The following PPP4R4 variants were observed in gnomAD, a reference collection of about 807,000 sequenced individuals.
The protein encoded by PPP4R4 is protein phosphatase 4 regulatory subunit 4.
Under a neutral mutation model 121.8 loss-of-function variants are expected in PPP4R4, and 70 were observed. The observed-to-expected ratio is 0.57, with a 90% confidence interval of 0.47 to 0.70. The LOEUF (loss-of-function observed/expected upper bound fraction) is 0.70, where lower values mean the gene tolerates loss of function less well. PPP4R4 is among the 30% of genes least tolerant of loss of function. PPP4R4 has a pLI of 0.00. For missense variants in PPP4R4, 875 were observed against 1,033.6 expected, an observed-to-expected ratio of 0.85 and a Z score of 2.10; for synonymous variants, 348 against 355.7, an observed-to-expected ratio of 0.98 and a Z score of 0.24.
At position 94,245,590 on chromosome 14, in the gene PPP4R4, C is replaced by T; in HGVS notation, c.1348C>T (p.Leu450=). The T allele has an allele frequency of 1.9e-6, 3 of 1,556,258 alleles. No homozygotes were observed. Among genetic ancestry groups the T allele is most frequent in the Non-Finnish European group, 2.7e-6 (3 of 1,132,018 alleles). The change falls in exon 13 of 25, where the codon CTA becomes TTA. Residue 450 remains leucine, a synonymous_variant. Transcript: ENST00000304338. ...TAATCAATATCTCTGTTAAAAGGTA[C>T]TAGATGCTCTTATAGATCATCTTCC... ...TLLQDESLEV[L]DALIDHLPEI...
chr14:94,228,452 C>A (rs1422241272), intron 3 of PPP4R4, among the ~76,000 whole-genome samples: 1 of 152,148 alleles, frequency 6.6e-6, no homozygotes, highest in Non-Finnish European at 1.5e-5. Context: ...CTGACAGTGT[C>A]CCACTGTGCT....
chr14:94,238,059 G>A (rs1358174852), intron 8 of PPP4R4, among the ~76,000 whole-genome samples: 1 of 152,228 alleles, frequency 6.6e-6, no homozygotes, highest in Non-Finnish European at 1.5e-5. Flanking sequence ...CCTGCAAAAG[G>A]GAGAGGGAAC....
intron 2 of PPP4R4, among the ~76,000 whole-genome samples, chr14:94,195,698 T>G (rs1195299493): frequency 1.3e-5 from 2 of 151,880 alleles, no homozygotes; most frequent in Non-Finnish European, 2.9e-5. Context: ...CCCTAGACCA[T>G]GAGTAGAGGG....
intron 3 of PPP4R4, among the ~76,000 whole-genome samples, chr14:94,216,454 G>A (rs771011253): frequency 4.6e-5 from 7 of 152,216 alleles, no homozygotes; most frequent in Non-Finnish European, 1.0e-4. Flanking sequence ...ATGTGCACTC[G>A]CACAGTTTAT....
chr14:94,268,291 T>C (rs1195327628), intron 23 of PPP4R4, among the ~76,000 whole-genome samples: 3 of 152,238 alleles, frequency 2.0e-5, no homozygotes, highest in Non-Finnish European at 4.4e-5. Context: ...GGATCTCACC[T>C]GTCCTCTTGG....
intron 19 of PPP4R4, 52 bp downstream of exon 19, chr14:94,259,421 T>C (rs1317605718): frequency 1.2e-5 from 17 of 1,449,706 alleles, no homozygotes; most frequent in Admixed American, 2.7e-5. Context: ...TTAATAACTG[T>C]GTTTTTTTAT....
At chr14:94,213,775 G>A (rs780386878) in intron 3 of PPP4R4, among the ~76,000 whole-genome samples, 1 of 152,148 alleles carries the variant, frequency 6.6e-6, no homozygotes, top group Non-Finnish European at 1.5e-5. Context: ...ATGGAATGTG[G>A]CCTTGCCAAC....
chr14:94,202,156 AGGGTGTGAG>A (rs1423636586), intron 2 of PPP4R4, among the ~76,000 whole-genome samples: 2 of 152,072 alleles, frequency 1.3e-5, no homozygotes, highest in South Asian at 2.1e-4. Flanking sequence ...CCCTGGGGAA[AGGGTGTGAG>A]GGGTGTGAGG....
In PPP4R4 at chr14:94,240,747, C is replaced by T. The variant is rs1239476711; in HGVS notation, c.928C>T (p.Leu310Phe). The T allele has an allele frequency of 1.2e-6, 2 of 1,605,974 alleles. No individual in the cohort carries two copies. The highest frequency in any genetic ancestry group is 1.7e-6 in the Non-Finnish European group (2 of 1,177,178). Residue 310 changes from leucine to phenylalanine, a missense_variant, in exon 9 of 25, where the codon CTT becomes TTT. Leu to Phe is a conservative substitution (Grantham distance 22). Coordinates refer to ENST00000304338, the MANE Select transcript of PPP4R4 (RefSeq NM_058237.2). ...ATCTTTCAAAGCAGATGAATCAATTCTTATTTCTTTATCTTTCCATTTAGG... is the reference window on the plus strand; with the variant it reads ...ATCTTTCAAAGCAGATGAATCAATTTTTATTTCTTTATCTTTCCATTTAGG... ...EKSFKADESI[L>F]ISLSFHLGKL... is the part of the protein sequence containing the mutation.
intron 3 of PPP4R4, among the ~76,000 whole-genome samples, chr14:94,213,593 C>T (rs1456684339): frequency 1.3e-5 from 2 of 152,090 alleles, no homozygotes; most frequent in Non-Finnish European, 2.9e-5. Flanking sequence ...GGTCTAAATG[C>T]CATCACATGT....
chr14:94,186,557 A>G (rs35089877), intron 2 of PPP4R4, among the ~76,000 whole-genome samples: 69,174 of 152,104 alleles, frequency 0.45, 18,333 homozygotes, highest in Non-Finnish European at 0.61. Flanking sequence ...CTTAGTGACT[A>G]TACACATTCA....
chr14:94,236,701 T>A (rs1178540844), intron 7 of PPP4R4, among the ~76,000 whole-genome samples: 1 of 152,180 alleles, frequency 6.6e-6, no homozygotes, highest in Non-Finnish European at 1.5e-5. Context: ...AAACTTATTT[T>A]AAAAAATGCT....
At chr14:94,210,767 A>G (rs1440410977) in intron 3 of PPP4R4, among the ~76,000 whole-genome samples, 2 of 152,154 alleles carry the variant, frequency 1.3e-5, no homozygotes, top group East Asian at 3.8e-4. Flanking sequence ...GGCAAATGAG[A>G]AGGGCTTTAT....
At chr14:94,225,682 C>T (rs917926518) in intron 3 of PPP4R4, among the ~76,000 whole-genome samples, 1 of 152,190 alleles carries the variant, frequency 6.6e-6, no homozygotes, top group Non-Finnish European at 1.5e-5. Flanking sequence ...CAACAGGAAT[C>T]ACTGAAAGGT....
At chr14:94,205,109 G>A (rs1890391444) in intron 2 of PPP4R4, among the ~76,000 whole-genome samples, 1 of 152,036 alleles carries the variant, frequency 6.6e-6, no homozygotes, top group South Asian at 2.1e-4. Flanking sequence ...CTCTTTTCTG[G>A]AAGAGATTGT....
At chr14:94,242,265 TCTC>T in intron 10 of PPP4R4, 21 bp from the exon 11 acceptor site, 2 of 1,608,352 alleles carry the variant, frequency 1.2e-6, no homozygotes, top group Non-Finnish European at 1.7e-6. Context: ...TTCCCACTCA[TCTC>T]CTCCCTTCCA....
At chr14:94,267,078 A>T in intron 23 of PPP4R4, 49 bp downstream of exon 23, 1 of 1,305,418 alleles carries the variant, frequency 7.7e-7, no homozygotes, top group Non-Finnish European at 1.1e-6. Flanking sequence ...TTAACAAAAT[A>T]TTATTTTCCT....
intron 3 of PPP4R4, chr14:94,227,909 G>T: frequency 1.0e-6 from 1 of 972,196 alleles, no homozygotes. Flanking sequence ...ACCCCAAATT[G>T]TTAGTGTGGA....
chr14:94,247,411 G>A (rs1230126801), intron 14 of PPP4R4, among the ~76,000 whole-genome samples: 5 of 152,204 alleles, frequency 3.3e-5, no homozygotes, highest in African/African-American at 1.2e-4. Context: ...TATACCAGTT[G>A]TACCACTGCC....
Sources: gnomAD v4.1 joint callset for allele counts (sites outside exome capture counted in the v4.1 genomes callset) on GRCh38, gnomAD v4.1.1 for gene constraint, MANE v1.5 for transcripts, NCBI Gene and HGNC (gene_info 2026-07-23, HGNC 2026-07-21) for gene names.